Variants in ARB2A observed in about 807,000 individuals in gnomAD.
The protein encoded by ARB2A is ARB2 cotranscriptional regulator A, also known as cotranscriptional regulator ARB2A.
chr5:94,035,816 T>C, the ARB2A span, among the ~76,000 whole-genome samples: 1 of 151,644 alleles, frequency 6.6e-6, no homozygotes, highest in African/African-American at 2.4e-5. Context: ...TGAGAACGTA[T>C]GGACAGAGGG....
chr5:94,081,926 G>A, the ARB2A span, among the ~76,000 whole-genome samples: 1 of 151,860 alleles, frequency 6.6e-6, no homozygotes, highest in African/African-American at 2.4e-5. Context: ...CTATAAAACA[G>A]AAGCAAGAAG....
chr5:93,829,023 C>T, the ARB2A span, among the ~76,000 whole-genome samples: 4 of 152,096 alleles, frequency 2.6e-5, no homozygotes, highest in African/African-American at 9.7e-5. Flanking sequence ...GTGATTTGCC[C>T]ACCCCGGCCT....
At chr5:93,763,905 T>C in the ARB2A span, among the ~76,000 whole-genome samples, 1 of 152,104 alleles carries the variant, frequency 6.6e-6, no homozygotes, top group Admixed American at 6.5e-5. Context: ...CACTCAAAAC[T>C]GCTCAACTAC....
chr5:93,675,653 A>T, the ARB2A span, among the ~76,000 whole-genome samples: 2 of 152,218 alleles, frequency 1.3e-5, no homozygotes, highest in Non-Finnish European at 2.9e-5. Flanking sequence ...TGCAAGTACC[A>T]GATAGCACAG....
chr5:93,621,486 C>A, the ARB2A span, among the ~76,000 whole-genome samples: 3,396 of 152,334 alleles, frequency 0.022, 57 homozygotes, highest in Non-Finnish European at 0.034. Context: ...TCGTCCGAGG[C>A]GCGGCTGGCC....
chr5:93,668,386 G>A, the ARB2A span, among the ~76,000 whole-genome samples: 14 of 152,110 alleles, frequency 9.2e-5, no homozygotes, highest in Admixed American at 5.2e-4. Flanking sequence ...GATTATAGGC[G>A]TGAGCCACCA....
the ARB2A span, among the ~76,000 whole-genome samples, chr5:93,999,002 C>T: frequency 6.6e-6 from 1 of 152,024 alleles, no homozygotes; most frequent in Non-Finnish European, 1.5e-5. Context: ...CACAGAAAAA[C>T]ATCTCTAAGC....
At chr5:94,078,143 G>T in the ARB2A span, among the ~76,000 whole-genome samples, 1 of 152,104 alleles carries the variant, frequency 6.6e-6, no homozygotes, top group African/African-American at 2.4e-5. Context: ...ATACGAACTA[G>T]ATATACGTGA....
At chr5:93,899,226 A>G in the ARB2A span, among the ~76,000 whole-genome samples, 14 of 152,106 alleles carry the variant, frequency 9.2e-5, no homozygotes, top group African/African-American at 2.4e-5. Flanking sequence ...GTGAAATTAG[A>G]AACATTTGGT....
At chr5:93,948,364 T>C in the ARB2A span, among the ~76,000 whole-genome samples, 3 of 152,086 alleles carry the variant, frequency 2.0e-5, no homozygotes, top group Admixed American at 1.3e-4. Flanking sequence ...GGGGTTGTTT[T>C]TTTCTTGTAA....
chr5:93,785,356 GTTC>G, the ARB2A span, among the ~76,000 whole-genome samples: 7 of 151,996 alleles, frequency 4.6e-5, no homozygotes, highest in South Asian at 1.5e-3. Flanking sequence ...TCATAATAAT[GTTC>G]TTTTTTTTGC....
the ARB2A span, among the ~76,000 whole-genome samples, chr5:93,785,143 C>CA: frequency 2.0e-5 from 3 of 151,870 alleles, no homozygotes; most frequent in African/African-American, 4.8e-5. Flanking sequence ...TCTAAAATAA[C>CA]AAAAAAAGAT....
At chr5:94,050,645 G>A in the ARB2A span, 1 of 926,750 alleles carries the variant, frequency 1.1e-6, no homozygotes, top group Non-Finnish European at 1.6e-6. Flanking sequence ...TGTAGAAAGA[G>A]TGCATAAACT....
At chr5:93,957,039 A>G in the ARB2A span, among the ~76,000 whole-genome samples, 1 of 152,148 alleles carries the variant, frequency 6.6e-6, no homozygotes, top group African/African-American at 2.4e-5. Context: ...AAGAAGAAAA[A>G]AATCAAGACA....
At chr5:93,839,384 C>T in the ARB2A span, among the ~76,000 whole-genome samples, 1 of 152,084 alleles carries the variant, frequency 6.6e-6, no homozygotes, top group Non-Finnish European at 1.5e-5. Flanking sequence ...GGGATGATGC[C>T]TACTTGATTG....
the ARB2A span, among the ~76,000 whole-genome samples, chr5:93,636,612 A>C: frequency 6.6e-6 from 1 of 152,232 alleles, no homozygotes; most frequent in Non-Finnish European, 1.5e-5. Flanking sequence ...GAACTGTAGG[A>C]AATAAATTTC....
the ARB2A span, chr5:93,740,826 GC>G: frequency 6.2e-7 from 1 of 1,613,820 alleles, no homozygotes; most frequent in Non-Finnish European, 8.5e-7. Flanking sequence ...GCAGCTGGAG[GC>G]ACCCAGCAAT....
At chr5:93,621,624 A>C in the ARB2A span, among the ~76,000 whole-genome samples, 1 of 152,340 alleles carries the variant, frequency 6.6e-6, no homozygotes, top group African/African-American at 2.4e-5. Context: ...TGCGTGCGGG[A>C]TCGCACAGCG....
At chr5:94,070,566 C>T in the ARB2A span, among the ~76,000 whole-genome samples, 16 of 152,110 alleles carry the variant, frequency 1.1e-4, no homozygotes, top group African/African-American at 3.6e-4. Context: ...GAACATTACA[C>T]ATTCTATGCA....
Sources: gnomAD v4.1 joint callset for allele counts (sites outside exome capture counted in the v4.1 genomes callset) on GRCh38, gnomAD v4.1.1 for gene constraint, MANE v1.5 for transcripts, NCBI Gene and HGNC (gene_info 2026-07-23, HGNC 2026-07-21) for gene names.